The following NUP98 variants were observed in gnomAD, a reference collection of about 807,000 sequenced individuals.
The protein encoded by NUP98 is nucleoporin 98 and 96 precursor.
In NUP98, 26 loss-of-function variants were observed where a neutral mutation model predicts 191.9. The observed-to-expected ratio is 0.14, with a 90% CI of 0.10 to 0.19. The LOEUF (loss-of-function observed/expected upper bound fraction) is 0.19, where lower values mean the gene tolerates loss of function less well. Ranked by LOEUF, NUP98 falls within the 10% of genes least tolerant of loss-of-function variation. The pLI, the probability that NUP98 is intolerant of heterozygous loss-of-function variation, is 1.00. For missense variants in NUP98, 1,941 were observed against 2,178.8 expected (o/e 0.89, Z 2.17); for synonymous variants, 808 against 778.4 (o/e 1.04, Z -0.63).
chr11:3,744,618 C>A lies in NUP98; in HGVS notation c.1299G>T (p.Gly433=). Reference sequence around the variant, plus strand: ...GCCCTCCAATCTTAGGTTGGTTGTTCCCAAACAAAGATGCCTGTCCAGCAC... The same window carrying A: ...GCCCTCCAATCTTAGGTTGGTTGTTACCAAACAAAGATGCCTGTCCAGCAC... ...ALGAGQASLF[G]NNQPKIGGPL... The change falls in exon 12 of 33, where the codon GGG becomes GGT. Residue 433 remains glycine (G), a synonymous_variant. Coordinates refer to ENST00000324932, the MANE Select transcript of NUP98 (RefSeq NM_016320.5). 2 of 1,612,842 alleles carry A rather than the reference C, an allele frequency of 1.2e-6. No homozygotes were observed. The highest frequency in any genetic ancestry group is 1.7e-6 in the Non-Finnish European group (2 of 1,179,282).
At chr11:3,677,035 CT>C (rs1426788978) in intron 31 of NUP98, among the ~76,000 whole-genome samples, 1 of 152,148 alleles carries the variant, frequency 6.6e-6, no homozygotes, top group African/African-American at 2.4e-5. Context: ...ACCAAAAAAG[CT>C]GTGTGCAGGG....
intron 12 of NUP98, among the ~76,000 whole-genome samples, chr11:3,740,966 G>A (rs906007184): frequency 6.6e-6 from 1 of 151,986 alleles, no homozygotes; most frequent in African/African-American, 2.4e-5. Flanking sequence ...TTACAGGCAT[G>A]TGCCACCATA....
intron 12 of NUP98, among the ~76,000 whole-genome samples, chr11:3,739,929 T>C (rs1381987112): frequency 2.0e-5 from 3 of 152,208 alleles, no homozygotes; most frequent in Non-Finnish European, 2.9e-5. Flanking sequence ...ATGATTTTCC[T>C]AATAATACAT....
chr11:3,738,087 C>CAAA (rs61502115), intron 12 of NUP98, among the ~76,000 whole-genome samples: 18,297 of 69,166 alleles, frequency 0.26, 1,215 homozygotes, highest in Non-Finnish European at 0.31. Context: ...TGGGCGTTCT[C>CAAA]AAAAAAAAAA....
chr11:3,699,275 C>T lies in NUP98; in HGVS notation c.3816G>A (p.Gln1272=). 1.2e-6 allele frequency: 2 copies of T among 1,614,178 alleles called. No individual in the cohort carries two copies. The highest frequency in any genetic ancestry group is 1.7e-6 in the Non-Finnish European group (2 of 1,180,036). Residue 1272 remains glutamine (Q), a synonymous_variant, in exon 25 of 33, where the codon CAG becomes CAA. Coordinates refer to ENST00000324932, the MANE Select transcript of NUP98 (RefSeq NM_016320.5). Reference sequence around the variant, plus strand: ...GAATGTATTCACGGGGTTCATTTAGCTGGCTGTCAAGCTCCTTCAGGTGGC... The same window carrying T: ...GAATGTATTCACGGGGTTCATTTAGTTGGCTGTCAAGCTCCTTCAGGTGGC... ...LWGHLKELDS[Q]LNEPREYIQI...
chr11:3,749,865 A>G (rs2080677023), intron 11 of NUP98, among the ~76,000 whole-genome samples: 1 of 152,208 alleles, frequency 6.6e-6, no homozygotes, highest in African/African-American at 2.4e-5. Context: ...AAAAATGGGC[A>G]TTGTATATAA....
chr11:3,702,351 T>A (rs1362678843), intron 23 of NUP98, 112 bp downstream of exon 23: 38 of 666,940 alleles, frequency 5.7e-5, no homozygotes, highest in Non-Finnish European at 9.1e-5. Context: ...TCTCTCTCTC[T>A]CTCTCTCTCT....
chr11:3,742,403 A>G (rs1233719538), intron 12 of NUP98, among the ~76,000 whole-genome samples: 4 of 152,184 alleles, frequency 2.6e-5, no homozygotes, highest in African/African-American at 9.7e-5. Flanking sequence ...TTTTATCAAT[A>G]TAAAAATAAA....
chr11:3,795,313 G>T (rs1413169105), intron 1 of NUP98, among the ~76,000 whole-genome samples: 4 of 152,140 alleles, frequency 2.6e-5, no homozygotes, highest in African/African-American at 9.7e-5. Context: ...GGGTATGGTG[G>T]TGCACACCTG....
chr11:3,702,967 A>T (rs2078755738), intron 22 of NUP98, 75 bp from the exon 23 acceptor site: 1 of 1,206,454 alleles, frequency 8.3e-7, no homozygotes, highest in Non-Finnish European at 1.2e-6. Flanking sequence ...CAATAACAAA[A>T]ATCAGTAAGG....
chr11:3,744,321 A>C (rs1056490734), intron 12 of NUP98, among the ~76,000 whole-genome samples, 188 bp downstream of exon 12: 1 of 152,206 alleles, frequency 6.6e-6, no homozygotes, highest in East Asian at 1.9e-4. Flanking sequence ...TTGACAGAGG[A>C]GGCCTAGGAG....
chr11:3,702,194 T>G (rs2078703414), intron 23 of NUP98, among the ~76,000 whole-genome samples: 1 of 150,986 alleles, frequency 6.6e-6, no homozygotes, highest in Non-Finnish European at 1.5e-5. Flanking sequence ...GCTGAGATCG[T>G]GCCACCGCAC....
At chr11:3,777,739 C>G (rs2081794000) in intron 4 of NUP98, among the ~76,000 whole-genome samples, 1 of 151,502 alleles carries the variant, frequency 6.6e-6, no homozygotes, top group Non-Finnish European at 1.5e-5. Flanking sequence ...TTAAAGAGTA[C>G]TATGATTTAT....
In NUP98 at chr11:3,753,980, G is replaced by A. The variant is rs113283647; in HGVS notation, c.1175-572C>T. Among the ~76,000 whole-genome samples, 595 of 151,566 alleles carry A rather than the reference G, an allele frequency of 3.9e-3. 1 individual carries two copies. The highest frequency in any genetic ancestry group is 0.014 in the African/African-American group (576 of 41,432). ...AAATAAATAAATAAAATAAAATAAA[G>A]AAATATCAATTCAATATAGGATAAT... On this transcript the variant is annotated intron_variant, in intron 10 of 32. Coordinates refer to ENST00000324932, the MANE Select transcript of NUP98 (RefSeq NM_016320.5).
chr11:3,702,618 G>C lies in NUP98; in HGVS notation c.3357C>G (p.Ala1119=). ...CACGAAATGAGCGTCCCATGAATAG[G>C]GCCATGTCCATCAAGAGTTTTCCCT... ...YGKGKLLMDM[A]LFMGRSFRVG... The change falls in exon 23 of 33, where the codon GCC becomes GCG. Residue 1119 remains alanine (A), a synonymous_variant. Coordinates refer to ENST00000324932, the MANE Select transcript of NUP98 (RefSeq NM_016320.5). 1.2e-6 allele frequency: 2 copies of C among 1,613,996 alleles called. No homozygotes were observed. The highest frequency in any genetic ancestry group is 8.5e-7 in the Non-Finnish European group (1 of 1,180,012).
chr11:3,716,103 C>T (rs1209278265), intron 18 of NUP98, among the ~76,000 whole-genome samples: 1 of 152,110 alleles, frequency 6.6e-6, no homozygotes, highest in Non-Finnish European at 1.5e-5. Flanking sequence ...TCTATTTTTG[C>T]TTTTGGTGCT....
chr11:3,715,485 T>C (rs2079151686), intron 18 of NUP98, among the ~76,000 whole-genome samples: 1 of 152,138 alleles, frequency 6.6e-6, no homozygotes, highest in South Asian at 2.1e-4. Context: ...TCATTGTAGT[T>C]TGATTTGCAT....
At chr11:3,746,269 CA>C (rs66773761) in intron 11 of NUP98, among the ~76,000 whole-genome samples, 87 of 33,942 alleles carry the variant, frequency 2.6e-3, no homozygotes, top group African/African-American at 5.0e-3. Flanking sequence ...AACTTTATCT[CA>C]AAAAAAAAAA....
At position 3,753,412 on chromosome 11, in the gene NUP98, G is replaced by T; in HGVS notation, c.1175-4C>A. The stretch of plus-strand genomic sequence containing the variant: ...CCACTGGTATTTGTGCCAAAACCTA[G>T]GAAGACAAAAGAATGAGTGGATTGT... On this transcript the variant is annotated splice_polypyrimidine_tract_variant and splice_region_variant and intron_variant, in intron 10 of 32. Coordinates refer to ENST00000324932, the MANE Select transcript of NUP98 (RefSeq NM_016320.5). The T allele has an allele frequency of 6.2e-7, 1 of 1,610,328 alleles. No homozygotes were observed. Among genetic ancestry groups the T allele is most frequent in the Non-Finnish European group, 8.5e-7 (1 of 1,176,918 alleles).
Sources: allele counts gnomAD v4.1 joint callset (sites outside exome capture counted in the v4.1 genomes callset), GRCh38; gene constraint gnomAD v4.1.1; transcripts MANE v1.5; gene names NCBI Gene and HGNC (gene_info 2026-07-23, HGNC 2026-07-21).